The following KIAA0753 variants were observed in gnomAD, a reference collection of about 807,000 sequenced individuals.
KIAA0753 encodes the protein KIAA0753, also known as protein moonraker.
Under a neutral mutation model 116.9 loss-of-function variants are expected in KIAA0753, and 114 were observed. That is an observed-to-expected ratio of 0.98 (90% confidence interval 0.84 to 1.14). The LOEUF (loss-of-function observed/expected upper bound fraction) is 1.14. KIAA0753 is among the 50% of genes most tolerant of loss of function. The pLI is 0.00. For missense variants in KIAA0753, 1,156 were observed against 1,172.4 expected, an observed-to-expected ratio of 0.99 and a Z score of 0.20; for synonymous variants, 405 against 413.1, an observed-to-expected ratio of 0.98 and a Z score of 0.24.
chr17:6,635,167 C>A lies in KIAA0753; in HGVS notation c.-64G>T. ...ATCCGGCAACAGTCTTCCCTAAAAC[C>A]ATTCCTAAAACGAAACAAAGCTACT... On this transcript the variant is annotated 5_prime_UTR_variant, in exon 2 of 19. It removes an upstream start codon present in the reference 5' UTR. Coordinates refer to ENST00000361413, the MANE Select transcript of KIAA0753 (RefSeq NM_014804.3). 1 of 1,256,172 alleles carries A rather than the reference C, an allele frequency of 8.0e-7. No individual in the cohort carries two copies. Among genetic ancestry groups the A allele is most frequent in the South Asian group, 1.2e-5 (1 of 82,986 alleles). The allele number at this position is 1,256,172 out of a possible 1,614,324, so 77.8% of individuals were successfully genotyped here.
chr17:6,603,981 G>A (rs1393236122), intron 12 of KIAA0753, among the ~76,000 whole-genome samples: 1 of 152,148 alleles, frequency 6.6e-6, no homozygotes, highest in African/African-American at 2.4e-5. Flanking sequence ...AAAGCAGAGT[G>A]ACACCACCAA....
chr17:6,585,646 A>G (rs989580206), intron 18 of KIAA0753, among the ~76,000 whole-genome samples: 1 of 152,152 alleles, frequency 6.6e-6, no homozygotes, highest in Admixed American at 6.5e-5. Flanking sequence ...TACTTGAGCC[A>G]TCATGTTTTT....
At chr17:6,614,930 C>T (rs759508400) in intron 7 of KIAA0753, among the ~76,000 whole-genome samples, 2 of 152,214 alleles carry the variant, frequency 1.3e-5, no homozygotes, top group Non-Finnish European at 2.9e-5. Context: ...TCCTGAGCAG[C>T]CGGGATTACA....
At chr17:6,624,923 G>A in intron 3 of KIAA0753, 62 bp from the exon 4 acceptor site, 1 of 1,023,926 alleles carries the variant, frequency 9.8e-7, no homozygotes, top group Non-Finnish European at 1.5e-6. Context: ...AACTTACAAA[G>A]ACTTCAATTA....
chr17:6,624,434 T>C (rs918357635), intron 4 of KIAA0753, among the ~76,000 whole-genome samples: 7 of 152,038 alleles, frequency 4.6e-5, no homozygotes, highest in Non-Finnish European at 1.0e-4. Context: ...ATATGTGCTA[T>C]ATAATGTATA....
chr17:6,605,714 G>A (rs985844383), intron 12 of KIAA0753, among the ~76,000 whole-genome samples: 1 of 152,064 alleles, frequency 6.6e-6, no homozygotes, highest in African/African-American at 2.4e-5. Context: ...TGCCTCTCGG[G>A]GGAAAGGGGA....
rs186707692 is a variant in KIAA0753, at chr17:6,586,594, T to C, written c.2786+3185A>G. On this transcript the variant is annotated intron_variant, in intron 18 of 18. Transcript: ENST00000361413. ...GTAGTGACATATAGTGGGATAGAGATATAGGAAGTAAAGAGAAACATATAC... is the reference window on the plus strand; with the variant it reads ...GTAGTGACATATAGTGGGATAGAGACATAGGAAGTAAAGAGAAACATATAC... Among the ~76,000 whole-genome samples, 12 of 152,342 alleles carry C rather than the reference T, an allele frequency of 7.9e-5. No homozygotes were observed. In the South Asian group the frequency reaches 1.2e-3, roughly 16 times the overall value.
chr17:6,607,315 G>T, intron 10 of KIAA0753, 45 bp from the exon 11 acceptor site: 1 of 1,476,384 alleles, frequency 6.8e-7, no homozygotes, highest in Non-Finnish European at 9.5e-7. Flanking sequence ...CCTCGACACT[G>T]CAGGGTGTCA....
chr17:6,623,607 C>T (rs765685826), intron 4 of KIAA0753, 36 bp from the exon 5 acceptor site: 9 of 1,587,818 alleles, frequency 5.7e-6, no homozygotes, highest in East Asian at 2.3e-5. Context: ...AACTTCATAC[C>T]TTTCCATTGA....
chr17:6,628,010 A>C, intron 3 of KIAA0753, 107 bp downstream of exon 3: 1 of 1,109,752 alleles, frequency 9.0e-7, no homozygotes, highest in South Asian at 1.6e-5. Flanking sequence ...CAACTCACAG[A>C]AGGAAAGAAT....
intron 8 of KIAA0753, among the ~76,000 whole-genome samples, chr17:6,611,567 T>C (rs1202805136): frequency 2.0e-5 from 3 of 152,256 alleles, no homozygotes; most frequent in South Asian, 2.1e-4. Context: ...GCTGGGATTA[T>C]AGGCCTGAGA....
At chr17:6,593,831 G>T (rs1969268054) in intron 16 of KIAA0753, among the ~76,000 whole-genome samples, 1 of 152,220 alleles carries the variant, frequency 6.6e-6, no homozygotes, top group African/African-American at 2.4e-5. Flanking sequence ...GTTGTGGTGA[G>T]CCGAGACTGC....
At chr17:6,620,053 T>C (rs1971197397) in intron 7 of KIAA0753, among the ~76,000 whole-genome samples, 1 of 152,164 alleles carries the variant, frequency 6.6e-6, no homozygotes, top group Non-Finnish European at 1.5e-5. Flanking sequence ...TATACATCCA[T>C]AAGCAAAATA....
chr17:6,581,179 G>C (rs1968154261), intron 18 of KIAA0753, among the ~76,000 whole-genome samples: 1 of 152,012 alleles, frequency 6.6e-6, no homozygotes, highest in Non-Finnish European at 1.5e-5. Flanking sequence ...GTCGCATTTT[G>C]TTGTCACAGC....
At chr17:6,623,334 C>G (rs200273872) in intron 5 of KIAA0753, among the ~76,000 whole-genome samples, 175 bp downstream of exon 5, 1 of 152,252 alleles carries the variant, frequency 6.6e-6, no homozygotes, top group East Asian at 1.9e-4. Flanking sequence ...TTTTTTAGAA[C>G]CTGTTCCTTA....
In KIAA0753 at chr17:6,593,474, G is replaced by A. The variant is rs950627325; in HGVS notation, c.2440+1498C>T. Among the ~76,000 whole-genome samples the A allele has an allele frequency of 1.1e-4, 16 of 152,222 alleles. No individual in the cohort carries two copies. In the Middle Eastern group the frequency reaches 0.01, roughly 98 times the overall value. On this transcript the variant is annotated intron_variant, in intron 16 of 18. Transcript: ENST00000361413. ...CACCTGGAATCCCAGCACTTCCGGA[G>A]GCAGGGCGCAATGGCTCACACCTGG...
chr17:6,588,263 C>T (rs1413119224), intron 18 of KIAA0753, among the ~76,000 whole-genome samples: 1 of 152,178 alleles, frequency 6.6e-6, no homozygotes, highest in Non-Finnish European at 1.5e-5. Context: ...CACTTTCACA[C>T]TTGTAAGTTT....
intron 18 of KIAA0753, among the ~76,000 whole-genome samples, chr17:6,580,627 G>C: frequency 6.6e-6 from 1 of 152,084 alleles, no homozygotes; most frequent in East Asian, 1.9e-4. Context: ...AGATACTTTT[G>C]AAGAAGAAAA....
At chr17:6,634,753 T>A (rs1188320885) in intron 2 of KIAA0753, 1 of 375,906 alleles carries the variant, frequency 2.7e-6, no homozygotes, top group Non-Finnish European at 5.0e-6. Flanking sequence ...ATAAGAATAG[T>A]ATCATGATTA....
Sources: gnomAD v4.1 joint callset for allele counts (sites outside exome capture counted in the v4.1 genomes callset) on GRCh38, gnomAD v4.1.1 for gene constraint, MANE v1.5 for transcripts, NCBI Gene and HGNC (gene_info 2026-07-23, HGNC 2026-07-21) for gene names.